Variants in MMP26 observed in about 807,000 individuals in gnomAD.
MMP26 encodes the protein matrix metalloproteinase-26.
Under a neutral mutation model 31.0 loss-of-function variants are expected in MMP26, and 33 were observed. The observed-to-expected ratio is 1.06, with a 90% CI of 0.81 to 1.42. The LOEUF is 1.42. Ranked by LOEUF, MMP26 falls within the 40% of genes most tolerant of loss-of-function variation. The probability of loss-of-function intolerance (pLI) is 0.00; values close to 1 mark genes in which losing one functional copy is unlikely to be tolerated. For synonymous variants in MMP26, 122 were observed against 114.9 expected (o/e 1.06, Z -0.40); for missense variants, 347 against 316.1 (o/e 1.10, Z -0.74).
At chr11:4,748,231 A>G (rs1468885635) in intron 1 of MMP26, among the ~76,000 whole-genome samples, 1 of 152,060 alleles carries the variant, frequency 6.6e-6, no homozygotes, top group African/African-American at 2.4e-5. Context: ...TATAACCTCC[A>G]AAGACTGAAC....
At chr11:4,907,452 C>G in intron 2 of MMP26, 1 of 1,613,944 alleles carries the variant, frequency 6.2e-7, no homozygotes, top group Non-Finnish European at 8.5e-7. Context: ...ATTTGGTTCT[C>G]CATCCCCATT....
In MMP26 at chr11:4,844,608, A is replaced by T. The variant is rs149467830; in HGVS notation, c.-145+77267A>T. Reference sequence around the variant, plus strand: ...CCCTGGGACACAAGAATGGTTCAACATATGAAAATCAATCAATGGGATACA... The same window carrying T: ...CCCTGGGACACAAGAATGGTTCAACTTATGAAAATCAATCAATGGGATACA... On this transcript the variant is annotated intron_variant, in intron 2 of 7. Coordinates refer to ENST00000380390, the MANE Select transcript of MMP26 (RefSeq NM_021801.5). 3.8e-3 allele frequency among the ~76,000 whole-genome samples: 585 copies of T among 152,360 alleles called. 2 individuals carry two copies. Among genetic ancestry groups the T allele is most frequent in the African/African-American group, 0.013 (553 of 41,594 alleles).
At chr11:4,803,974 G>T (rs923600525) in intron 2 of MMP26, 6 of 1,613,706 alleles carry the variant, frequency 3.7e-6, no homozygotes, top group Non-Finnish European at 5.1e-6. Context: ...CAGGATGCTA[G>T]AGTGTCGGAG....
intron 2 of MMP26, chr11:4,821,253 A>G (rs1849492986): frequency 2.8e-6 from 2 of 723,704 alleles, no homozygotes; most frequent in Non-Finnish European, 4.6e-6. Context: ...ACAGACTTGG[A>G]GAGAAATGTG....
At chr11:4,885,991 T>C (rs988977552) in intron 2 of MMP26, among the ~76,000 whole-genome samples, 1 of 152,120 alleles carries the variant, frequency 6.6e-6, no homozygotes, top group Non-Finnish European at 1.5e-5. Flanking sequence ...CTATGTCTTA[T>C]GTAACAACCA....
At chr11:4,803,552 TG>T in intron 2 of MMP26, 2 of 1,613,966 alleles carry the variant, frequency 1.2e-6, no homozygotes, top group Middle Eastern at 1.6e-4. Context: ...GCAAACAGGA[TG>T]TGTACAACTC....
chr11:4,849,732 G>A (rs1849947164), intron 2 of MMP26, among the ~76,000 whole-genome samples: 1 of 152,046 alleles, frequency 6.6e-6, no homozygotes, highest in East Asian at 1.9e-4. Context: ...ATTTCTTAAT[G>A]AGCTTTGGCT....
chr11:4,867,407 T>G (rs1040012155), intron 2 of MMP26, among the ~76,000 whole-genome samples: 39 of 148,568 alleles, frequency 2.6e-4, no homozygotes, highest in African/African-American at 9.4e-4. Context: ...TTTTTTTTTT[T>G]TTTGATGGAG....
chr11:4,968,529 A>ATAAT (rs80188650), intron 2 of MMP26, among the ~76,000 whole-genome samples: 84,000 of 139,864 alleles, frequency 0.6, 23,612 homozygotes, highest in South Asian at 0.68. Context: ...ATTCTCTTAA[A>ATAAT]TAATTATTTT....
In MMP26 at chr11:4,988,060, C is replaced by T. The variant is rs1846931809; in HGVS notation, c.-144-8C>T. 1 of 707,528 alleles carries T rather than the reference C, an allele frequency of 1.4e-6. No individual in the cohort carries two copies. 43.8% of individuals were successfully genotyped at this position (707,528 alleles called of 1,614,324 possible). A position where few individuals can be genotyped will look rare whatever the true frequency, so the allele number is the denominator to read the frequency against. On this transcript the variant is annotated splice_polypyrimidine_tract_variant and splice_region_variant and intron_variant, in intron 2 of 7. Transcript: ENST00000380390. ...ACCCTTGCATGCTGGTCACTCTGCC[C>T]TCAGCAGGTATGGATGATGACGCCA... is the stretch of plus-strand genomic sequence containing the variant.
At chr11:4,952,728 A>C (rs1290341880) in intron 2 of MMP26, among the ~76,000 whole-genome samples, 3 of 125,670 alleles carry the variant, frequency 2.4e-5, no homozygotes, top group South Asian at 4.8e-4. Flanking sequence ...TAAAATAAAT[A>C]AGAAAAAACC....
chr11:4,907,837 G>T, intron 2 of MMP26: 4 of 1,613,734 alleles, frequency 2.5e-6, no homozygotes, highest in Non-Finnish European at 3.4e-6. Context: ...TTCTCTTAGT[G>T]ATTCCATTTC....
Position 4,819,512 on chromosome 11 carries a change from C to T in MMP26, c.-145+52171C>T, listed in dbSNP as rs1237715768. On this transcript the variant is annotated intron_variant, in intron 2 of 7. Transcript: ENST00000380390. ...AGGGAGAGAAAATTTCCAGAATCAT[C>T]AACAAAATATGTATTGTTGAAAGAA... Among the ~76,000 whole-genome samples, 9 of 143,656 alleles carry T rather than the reference C, an allele frequency of 6.3e-5. No homozygotes were observed. The Admixed American group carries it at 6.3e-4, about 10-fold the overall frequency. 94.2% of individuals were successfully genotyped at this position (143,656 alleles called of 152,430 possible).
chr11:4,744,664 G>A (rs751603631), intron 1 of MMP26, among the ~76,000 whole-genome samples: 1 of 152,134 alleles, frequency 6.6e-6, no homozygotes, highest in Non-Finnish European at 1.5e-5. Flanking sequence ...AATTGTATTT[G>A]CTTGTTTTGC....
intron 2 of MMP26, among the ~76,000 whole-genome samples, chr11:4,855,773 G>C (rs981520942): frequency 2.6e-5 from 4 of 152,174 alleles, no homozygotes; most frequent in Non-Finnish European, 4.4e-5. Context: ...ATAACTGTCA[G>C]ATTCACCAAA....
chr11:4,882,968 A>C, intron 2 of MMP26: 1 of 1,028,338 alleles, frequency 9.7e-7, no homozygotes, highest in South Asian at 1.6e-5. Context: ...TTGGTTGCTG[A>C]GTCAATTCCA....
intron 2 of MMP26, chr11:4,914,489 A>T (rs1269280863): frequency 4.1e-6 from 2 of 493,708 alleles, no homozygotes; most frequent in Non-Finnish European, 7.2e-6. Context: ...TGGGTTTAGA[A>T]TTATTGCTGT....
chr11:4,723,830 G>T, intron 1 of MMP26: 5 of 1,553,630 alleles, frequency 3.2e-6, no homozygotes, highest in Non-Finnish European at 4.4e-6. Flanking sequence ...ATCTTGTTAT[G>T]CTGCTCCAGG....
At chr11:4,967,767 TATCTG>T (rs1846616189) in intron 2 of MMP26, among the ~76,000 whole-genome samples, 1 of 152,186 alleles carries the variant, frequency 6.6e-6, no homozygotes. Context: ...TTTTTGAACT[TATCTG>T]ATAACTATTT....
Sources: gnomAD v4.1 joint callset for allele counts (sites outside exome capture counted in the v4.1 genomes callset) on GRCh38, gnomAD v4.1.1 for gene constraint, MANE v1.5 for transcripts, NCBI Gene and HGNC (gene_info 2026-07-23, HGNC 2026-07-21) for gene names.